The following ERBB4 variants were observed in gnomAD, a reference collection of about 807,000 sequenced individuals.
ERBB4 encodes erb-b2 receptor tyrosine kinase 4.
A neutral mutation model predicts 158.0 loss-of-function variants in ERBB4; 42 were observed. The observed-to-expected ratio is 0.27, with a 90% CI of 0.21 to 0.34. The LOEUF is 0.34. ERBB4 is among the 10% of genes least tolerant of loss of function. ERBB4 has a pLI of 1.00. For synonymous variants in ERBB4, 583 were observed against 558.7 expected (o/e 1.04, Z -0.61); for missense variants, 1,333 against 1,624.1 (o/e 0.82, Z 3.08).
At chr2:211,920,069 G>C (rs1485871478) in intron 3 of ERBB4, among the ~76,000 whole-genome samples, 1 of 151,632 alleles carries the variant, frequency 6.6e-6, no homozygotes, top group African/African-American at 2.4e-5. Context: ...ATGTACTGTG[G>C]TAAAAAACAA....
chr2:212,060,741 A>T (rs550143006), intron 2 of ERBB4, among the ~76,000 whole-genome samples: 1 of 149,670 alleles, frequency 6.7e-6, no homozygotes, highest in South Asian at 2.2e-4. Flanking sequence ...GGTCTCACTC[A>T]TAGATGGGAA....
chr2:211,891,838 T>C (rs1393158915), intron 3 of ERBB4, among the ~76,000 whole-genome samples: 342 of 112,000 alleles, frequency 3.1e-3, no homozygotes, highest in Middle Eastern at 4.5e-3. Flanking sequence ...ACACATACAC[T>C]CTCCCAAGAC....
intron 1 of ERBB4, among the ~76,000 whole-genome samples, chr2:212,232,896 A>AT (rs71054187): frequency 0.12 from 18,611 of 152,198 alleles, 1,431 homozygotes; most frequent in South Asian, 0.37. Flanking sequence ...CGCTACAGAG[A>AT]TTTTTAATGC....
chr2:211,399,436 A>ATAAGT (rs1464964560), intron 25 of ERBB4, among the ~76,000 whole-genome samples: 4 of 152,196 alleles, frequency 2.6e-5, no homozygotes, highest in Non-Finnish European at 5.9e-5. Flanking sequence ...AGCCAGTTGG[A>ATAAGT]TAAGTTTTAA....
intron 17 of ERBB4, among the ~76,000 whole-genome samples, chr2:211,628,342 C>T (rs1042435377): frequency 2.6e-5 from 4 of 152,086 alleles, no homozygotes; most frequent in Middle Eastern, 3.2e-3. Context: ...CAACAGGCCC[C>T]GGTGTGTGAT....
In ERBB4 at chr2:211,580,857, A is replaced by AGATT. The variant is rs1559317464; in HGVS notation, c.2302-18770_2302-18769insAATC. The stretch of plus-strand genomic sequence containing the variant: ...ATAGATTATATATTATATATATAGT[A>AGATT]TGCATATACATATATATATATATAT... On this transcript the variant is annotated intron_variant, in intron 19 of 27. Transcript: ENST00000342788. Among the ~76,000 whole-genome samples the AGATT allele has an allele frequency of 1.4e-3, 9 of 6,630 alleles. 1 individual carries two copies. The highest frequency in any genetic ancestry group is 9.6e-3 in the Admixed American group (1 of 104). 4.3% of individuals were successfully genotyped at this position (6,630 alleles called of 152,430 possible). A position where few individuals can be genotyped will look rare whatever the true frequency, so the allele number is the denominator to read the frequency against.
chr2:211,774,446 A>AT (rs1310783647), intron 4 of ERBB4, among the ~76,000 whole-genome samples: 1 of 147,072 alleles, frequency 6.8e-6, no homozygotes, highest in African/African-American at 2.4e-5. Flanking sequence ...GCATTAATGA[A>AT]TTAAAGCTGC....
chr2:211,506,895 C>A (rs536297341), intron 20 of ERBB4, among the ~76,000 whole-genome samples: 41 of 151,762 alleles, frequency 2.7e-4, no homozygotes, highest in Non-Finnish European at 5.9e-4. Context: ...GAGATTGAGA[C>A]CAAAAAAATC....
At chr2:211,985,778 G>A (rs1263228846) in intron 2 of ERBB4, among the ~76,000 whole-genome samples, 1 of 151,900 alleles carries the variant, frequency 6.6e-6, no homozygotes, top group East Asian at 1.9e-4. Context: ...CAAATCTTAT[G>A]GGCAGTCATA....
At chr2:211,739,900 T>C (rs1362490289) in intron 5 of ERBB4, among the ~76,000 whole-genome samples, 1 of 152,256 alleles carries the variant, frequency 6.6e-6, no homozygotes, top group Non-Finnish European at 1.5e-5. Flanking sequence ...TGGGCATTTC[T>C]ATCTTAGAAT....
At chr2:211,808,923 C>T (rs936183541) in intron 3 of ERBB4, among the ~76,000 whole-genome samples, 1 of 152,114 alleles carries the variant, frequency 6.6e-6, no homozygotes, top group Non-Finnish European at 1.5e-5. Flanking sequence ...ATTTGGCTCT[C>T]TGTTTGTCTG....
chr2:212,306,149 A>C (rs2106222108), intron 1 of ERBB4, among the ~76,000 whole-genome samples: 1 of 151,598 alleles, frequency 6.6e-6, no homozygotes, highest in East Asian at 2.0e-4. Flanking sequence ...ACAGTAGATA[A>C]TATATAGTAG....
intron 3 of ERBB4, among the ~76,000 whole-genome samples, chr2:211,886,356 C>A (rs1273639084): frequency 6.6e-6 from 1 of 152,142 alleles, no homozygotes; most frequent in African/African-American, 2.4e-5. Context: ...TGGTTCACTT[C>A]TGTTTACTAC....
At chr2:211,900,373 AACACACACACACAC>A (rs72160363) in intron 3 of ERBB4, among the ~76,000 whole-genome samples, 19 of 148,604 alleles carry the variant, frequency 1.3e-4, no homozygotes, top group Admixed American at 3.4e-4. Context: ...TTTATGTTTA[AACACACACACACAC>A]ACACACACAC....
chr2:212,003,207 CA>C lies in ERBB4; in HGVS notation c.235-55592del, dbSNP rs1559294022. Among the ~76,000 whole-genome samples, 56 of 39,942 alleles carry C rather than the reference CA, an allele frequency of 1.4e-3. 4 individuals are homozygous for C. The highest frequency in any genetic ancestry group is 4.0e-3 in the African/African-American group (54 of 13,646). The allele number at this position is 39,942 out of a possible 152,430, so 26.2% of individuals were successfully genotyped here. On this transcript the variant is annotated intron_variant, in intron 2 of 27. Transcript: ENST00000342788. ...AAAGAAAGAAAGAAAGAAAGAAAGA[CA>C]GAAAGAAGGAAGGAAGGAAGGAAGG...
intron 1 of ERBB4, among the ~76,000 whole-genome samples, chr2:212,406,528 A>G (rs2091348977): frequency 6.6e-6 from 1 of 152,210 alleles, no homozygotes; most frequent in Non-Finnish European, 1.5e-5. Context: ...ATAAAAGATG[A>G]TTACACATAT....
At chr2:212,146,637 A>G (rs2080683941) in intron 1 of ERBB4, among the ~76,000 whole-genome samples, 1 of 152,108 alleles carries the variant, frequency 6.6e-6, no homozygotes, top group African/African-American at 2.4e-5. Context: ...GTACTCCTAC[A>G]TTATTTATCC....
At chr2:211,430,716 T>C (rs1483758823) in intron 21 of ERBB4, among the ~76,000 whole-genome samples, 1 of 151,958 alleles carries the variant, frequency 6.6e-6, no homozygotes, top group Non-Finnish European at 1.5e-5. Flanking sequence ...TTAGCTACTT[T>C]TGAGAAACGG....
intron 3 of ERBB4, among the ~76,000 whole-genome samples, chr2:211,905,738 G>GTACATA (rs1469524984): frequency 9.2e-6 from 1 of 108,228 alleles, no homozygotes; most frequent in Non-Finnish European, 1.9e-5. Flanking sequence ...GTGTGTGCAT[G>GTACATA]TGTGTGTATA....
Sources: allele counts gnomAD v4.1 joint callset (sites outside exome capture counted in the v4.1 genomes callset), GRCh38; gene constraint gnomAD v4.1.1; transcripts MANE v1.5; gene names NCBI Gene and HGNC (gene_info 2026-07-23, HGNC 2026-07-21).